WDFY1: variants seen among roughly 807,000 people sequenced by gnomAD.
WDFY1 encodes the protein WD repeat and FYVE domain-containing protein 1.
A neutral mutation model predicts 56.4 loss-of-function variants in WDFY1; 32 were observed. The observed-to-expected ratio is 0.57, with a 90% CI of 0.43 to 0.76. WDFY1 has a LOEUF of 0.76. Ranked by LOEUF, WDFY1 falls within the 30% of genes least tolerant of loss-of-function variation. The pLI is 0.00. For synonymous variants in WDFY1, 192 were observed against 197.3 expected (o/e 0.97, Z 0.23); for missense variants, 480 against 545.7 (o/e 0.88, Z 1.20).
intron 1 of WDFY1, among the ~76,000 whole-genome samples, chr2:223,929,226 T>A (rs1022490965): frequency 1.3e-5 from 2 of 149,462 alleles, no homozygotes; most frequent in African/African-American, 4.9e-5. Flanking sequence ...TTGCTCTTTA[T>A]GCCCAGGCTG....
chr2:223,884,846 T>C (rs1693143929), intron 8 of WDFY1, 97 bp from the exon 9 acceptor site: 2 of 1,113,606 alleles, frequency 1.8e-6, no homozygotes, highest in Non-Finnish European at 2.6e-6. Flanking sequence ...CCAAGGTTAG[T>C]ATTTCTTTTC....
intron 1 of WDFY1, among the ~76,000 whole-genome samples, chr2:223,940,256 T>C (rs1047415851): frequency 3.3e-5 from 5 of 152,102 alleles, no homozygotes; most frequent in Non-Finnish European, 5.9e-5. Context: ...GAGGCAGAGG[T>C]TGCAGTGAGC....
intron 2 of WDFY1, 35 bp downstream of exon 2, chr2:223,917,908 A>C: frequency 6.2e-7 from 1 of 1,610,044 alleles, no homozygotes; most frequent in Non-Finnish European, 8.5e-7. Flanking sequence ...AACATTAGAG[A>C]CATTTCTCTC....
chr2:223,899,050 T>C lies in WDFY1; in HGVS notation c.506A>G (p.Tyr169Cys), dbSNP rs1195386248. The change falls in exon 6 of 12, where the codon TAT becomes TGT. Residue 169 changes from tyrosine to cysteine, a missense_variant. Tyr to Cys is a radical substitution (Grantham distance 194). Coordinates refer to ENST00000233055, the MANE Select transcript of WDFY1 (RefSeq NM_020830.5). ...CCCAGAATAATCACCAACGAAAGCA[T>C]ACTGAGTGTCAAAGTCATATCTGAG... is the stretch of plus-strand genomic sequence containing the variant. Reference protein sequence around the residue: ...SCLQYDFDTQYAFVGDYSGQI... With the variant: ...SCLQYDFDTQCAFVGDYSGQI... The C allele has an allele frequency of 3.1e-6, 5 of 1,614,020 alleles. No homozygotes were observed. The Admixed American group carries it at 8.3e-5, about 27-fold the overall frequency.
rs1693139376 is a variant in WDFY1, at chr2:223,884,631, C to T, written c.933+17G>A. 4 of 1,610,882 alleles carry T rather than the reference C, an allele frequency of 2.5e-6. No individual in the cohort carries two copies. Among genetic ancestry groups the T allele is most frequent in the East Asian group, 4.5e-5 (2 of 44,828 alleles). On this transcript the variant is annotated intron_variant, in intron 9 of 11. Transcript: ENST00000233055. ...ATACACAATCAAGCCAGAGATGACT[C>T]GACAGTGGCTACTCACTTGTCTTAG...
intron 1 of WDFY1, among the ~76,000 whole-genome samples, chr2:223,939,229 A>G (rs956283099): frequency 1.3e-5 from 2 of 152,040 alleles, no homozygotes; most frequent in African/African-American, 4.8e-5. Flanking sequence ...GGGTCCAGCA[A>G]CCCGAATTTC....
intron 1 of WDFY1, among the ~76,000 whole-genome samples, chr2:223,923,455 T>C (rs940713065): frequency 6.6e-6 from 1 of 152,176 alleles, no homozygotes; most frequent in Non-Finnish European, 1.5e-5. Flanking sequence ...AGTTTAGTAA[T>C]ATTTACAGGA....
chr2:223,882,117 C>T (rs1553535166), intron 9 of WDFY1, 45 bp from the exon 10 acceptor site: 7 of 1,588,884 alleles, frequency 4.4e-6, no homozygotes, highest in Non-Finnish European at 5.1e-6. Context: ...TTAGCTTTCG[C>T]TTTTTGTTTT....
At chr2:223,926,300 C>T (rs769346357) in intron 1 of WDFY1, among the ~76,000 whole-genome samples, 21 of 152,144 alleles carry the variant, frequency 1.4e-4, no homozygotes, top group African/African-American at 4.6e-4. Context: ...GCACACACCA[C>T]GACACCTGGC....
At position 223,901,178 on chromosome 2, in the gene WDFY1, G is replaced by T; in HGVS notation, c.485+5C>A. The T allele has an allele frequency of 6.2e-7, 1 of 1,612,620 alleles. No individual in the cohort carries two copies. Among genetic ancestry groups the T allele is most frequent in the Non-Finnish European group, 8.5e-7 (1 of 1,179,214 alleles). ...GAAGGAGAGGTCCGTGGCTCTGAAG[G>T]ATACTGCAGACACGAAGCCCAGGAC... is the stretch of plus-strand genomic sequence containing the variant. On this transcript the variant is annotated splice_donor_5th_base_variant and intron_variant, in intron 5 of 11. Coordinates refer to ENST00000233055, the MANE Select transcript of WDFY1 (RefSeq NM_020830.5).
chr2:223,916,837 G>A (rs940658776), intron 2 of WDFY1, among the ~76,000 whole-genome samples: 23 of 145,814 alleles, frequency 1.6e-4, no homozygotes, highest in African/African-American at 4.6e-4. Flanking sequence ...TTTTTGATAC[G>A]GAGTTTCGCT....
At chr2:223,903,913 C>A (rs770522019) in intron 4 of WDFY1, among the ~76,000 whole-genome samples, 1 of 152,248 alleles carries the variant, frequency 6.6e-6, no homozygotes, top group Non-Finnish European at 1.5e-5. Flanking sequence ...GCTACCACAA[C>A]TGTCCAGATG....
chr2:223,883,580 C>A (rs748530551), intron 9 of WDFY1, among the ~76,000 whole-genome samples: 1 of 151,596 alleles, frequency 6.6e-6, no homozygotes, highest in Non-Finnish European at 1.5e-5. Flanking sequence ...TCCCTTCTTG[C>A]CTGCCAGTCT....
At chr2:223,905,084 A>C (rs1693573746) in intron 4 of WDFY1, among the ~76,000 whole-genome samples, 1 of 152,256 alleles carries the variant, frequency 6.6e-6, no homozygotes, top group Non-Finnish European at 1.5e-5. Context: ...CATTAAATAA[A>C]GCTTAAATCA....
At position 223,930,492 on chromosome 2, in the gene WDFY1, G is replaced by T. The variant is rs1366498828; in HGVS notation, c.138-12482C>A. Among the ~76,000 whole-genome samples the T allele has an allele frequency of 3.3e-5, 5 of 152,188 alleles. No individual in the cohort carries two copies. In the East Asian group the frequency reaches 7.7e-4, roughly 23 times the overall value. ...TTACAGGCATGCGCCACCACGCCAG[G>T]CTAAGTTTGTGTATTTTTAGTAGAG... On this transcript the variant is annotated intron_variant, in intron 1 of 11. Coordinates refer to ENST00000233055, the MANE Select transcript of WDFY1 (RefSeq NM_020830.5).
At chr2:223,928,767 G>A (rs748821191) in intron 1 of WDFY1, among the ~76,000 whole-genome samples, 1 of 152,176 alleles carries the variant, frequency 6.6e-6, no homozygotes, top group Non-Finnish European at 1.5e-5. Flanking sequence ...GTTGTCCATC[G>A]CTGAGTACAC....
At chr2:223,932,252 A>C (rs542084652) in intron 1 of WDFY1, among the ~76,000 whole-genome samples, 95 of 151,008 alleles carry the variant, frequency 6.3e-4, no homozygotes, top group African/African-American at 2.0e-3. Context: ...CCTCCCGAGC[A>C]GCTGGGACTA....
chr2:223,897,442 G>A (rs1264968762), intron 6 of WDFY1, among the ~76,000 whole-genome samples: 3 of 144,998 alleles, frequency 2.1e-5, no homozygotes, highest in African/African-American at 7.6e-5. Context: ...GCAATGGCAT[G>A]ATCTTGGCTC....
chr2:223,907,358 A>G (rs1436591948), intron 3 of WDFY1, among the ~76,000 whole-genome samples: 2 of 152,208 alleles, frequency 1.3e-5, no homozygotes, highest in African/African-American at 4.8e-5. Flanking sequence ...GGAAAAAAGC[A>G]CACAAAAGAA....
Sources: gnomAD v4.1 joint callset for allele counts (sites outside exome capture counted in the v4.1 genomes callset) on GRCh38, gnomAD v4.1.1 for gene constraint, MANE v1.5 for transcripts, NCBI Gene and HGNC (gene_info 2026-07-23, HGNC 2026-07-21) for gene names.